Variants in CACNA2D3 observed in about 807,000 individuals in gnomAD.
The protein encoded by CACNA2D3 is calcium voltage-gated channel auxiliary subunit alpha2delta 3, also known as voltage-dependent calcium channel subunit alpha-2/delta-3.
A neutral mutation model predicts 160.6 loss-of-function variants in CACNA2D3; 60 were observed. The observed-to-expected ratio is 0.37, with a 90% CI of 0.30 to 0.46. The LOEUF (loss-of-function observed/expected upper bound fraction) is 0.46. CACNA2D3 is among the 20% of genes least tolerant of loss of function. The pLI is 1.00. For synonymous variants in CACNA2D3, 558 were observed against 492.9 expected, an observed-to-expected ratio of 1.13 and a Z score of -1.75; for missense variants, 1,205 against 1,365.0, an observed-to-expected ratio of 0.88 and a Z score of 1.85.
chr3:54,233,128 C>A (rs1701807319), intron 2 of CACNA2D3, among the ~76,000 whole-genome samples: 1 of 152,140 alleles, frequency 6.6e-6, no homozygotes, highest in African/African-American at 2.4e-5. Flanking sequence ...ACTGGGTGTC[C>A]TTTTTTCATT....
At chr3:54,697,448 A>G (rs1700685417) in intron 11 of CACNA2D3, among the ~76,000 whole-genome samples, 1 of 152,190 alleles carries the variant, frequency 6.6e-6, no homozygotes, top group Admixed American at 6.5e-5. Flanking sequence ...TGGCTGAACG[A>G]ACTTTAGAGC....
At chr3:54,866,914 C>T (rs1006203972) in intron 17 of CACNA2D3, among the ~76,000 whole-genome samples, 1 of 152,206 alleles carries the variant, frequency 6.6e-6, no homozygotes, top group Non-Finnish European at 1.5e-5. Flanking sequence ...AACTCCACCT[C>T]GAAGTATTTC....
chr3:54,891,142 A>G (rs1700056000), intron 24 of CACNA2D3, among the ~76,000 whole-genome samples: 2 of 150,256 alleles, frequency 1.3e-5, no homozygotes, highest in African/African-American at 5.0e-5. Flanking sequence ...TATTACTTTG[A>G]AAACTTTTGT....
chr3:54,743,792 CG>C (rs1162519244), intron 11 of CACNA2D3, among the ~76,000 whole-genome samples: 1 of 152,132 alleles, frequency 6.6e-6, no homozygotes, highest in Non-Finnish European at 1.5e-5. Flanking sequence ...GGAAGCAGGA[CG>C]GGGCTTCTGA....
chr3:55,010,620 T>C (rs185549137), intron 34 of CACNA2D3, among the ~76,000 whole-genome samples: 52 of 152,314 alleles, frequency 3.4e-4, no homozygotes, highest in African/African-American at 1.2e-3. Context: ...CAGGGACTAG[T>C]AGGCTATTAC....
intron 4 of CACNA2D3, among the ~76,000 whole-genome samples, chr3:54,435,666 A>C (rs1700049023): frequency 6.6e-6 from 1 of 152,156 alleles, no homozygotes; most frequent in African/African-American, 2.4e-5. Flanking sequence ...TAATATCCAA[A>C]ATGTCCAGGA....
intron 9 of CACNA2D3, among the ~76,000 whole-genome samples, chr3:54,623,690 G>A (rs1699037861): frequency 6.6e-6 from 1 of 152,192 alleles, no homozygotes; most frequent in African/African-American, 2.4e-5. Flanking sequence ...TGCACTTCCT[G>A]CAATGATGGC....
intron 2 of CACNA2D3, among the ~76,000 whole-genome samples, chr3:54,198,116 A>G (rs557507749): frequency 1.4e-4 from 22 of 152,372 alleles, no homozygotes; most frequent in African/African-American, 4.6e-4. Flanking sequence ...TAAAAGATCT[A>G]AAAGGCTGGT....
In CACNA2D3 at chr3:54,938,328, A is replaced by G. The variant is rs1701380262; in HGVS notation, c.2450-30122A>G. 2.0e-5 allele frequency among the ~76,000 whole-genome samples: 3 copies of G among 152,354 alleles called. No homozygotes were observed. In the South Asian group the frequency reaches 6.2e-4, roughly 32 times the overall value. ...TGGCAAATGAGTGTTTACGTCCTGC[A>G]ACTACCTGCTTTGTGGCCTCATGGC... is the stretch of plus-strand genomic sequence containing the variant. On this transcript the variant is annotated intron_variant, in intron 27 of 37. Coordinates refer to ENST00000474759, the MANE Select transcript of CACNA2D3 (RefSeq NM_018398.3).
At chr3:54,195,529 T>C (rs1701062569) in intron 2 of CACNA2D3, among the ~76,000 whole-genome samples, 1 of 152,206 alleles carries the variant, frequency 6.6e-6, no homozygotes, top group South Asian at 2.1e-4. Flanking sequence ...TACCTTCTCA[T>C]AGCCATGTGA....
intron 2 of CACNA2D3, among the ~76,000 whole-genome samples, chr3:54,219,209 C>A (rs112256601): frequency 3.3e-5 from 5 of 152,256 alleles, no homozygotes; most frequent in African/African-American, 1.2e-4. Flanking sequence ...TTATCTTTTC[C>A]CAATTTTGTG....
At chr3:54,644,002 A>G (rs1478939068) in intron 11 of CACNA2D3, among the ~76,000 whole-genome samples, 1 of 152,198 alleles carries the variant, frequency 6.6e-6, no homozygotes, top group Non-Finnish European at 1.5e-5. Context: ...TATGAACAGC[A>G]AGTGTTTTTT....
intron 35 of CACNA2D3, among the ~76,000 whole-genome samples, chr3:55,028,244 C>T (rs921650463): frequency 3.9e-5 from 6 of 152,088 alleles, no homozygotes; most frequent in Non-Finnish European, 5.9e-5. Flanking sequence ...ATAGACAGAT[C>T]TGTTATAACA....
intron 17 of CACNA2D3, among the ~76,000 whole-genome samples, chr3:54,869,203 A>G (rs1305743938): frequency 6.6e-6 from 1 of 152,218 alleles, no homozygotes; most frequent in African/African-American, 2.4e-5. Context: ...TTGAAATAAC[A>G]TGAGGCTTAG....
chr3:54,823,849 T>C (rs923711052), intron 14 of CACNA2D3, among the ~76,000 whole-genome samples: 2 of 152,230 alleles, frequency 1.3e-5, no homozygotes, highest in Non-Finnish European at 2.9e-5. Context: ...ATATGTATTT[T>C]GTTTTCTTAA....
rs554131282 is a variant in CACNA2D3 at position 55,013,370 on chromosome 3, C to G, written c.2875+3927C>G. ...AATTGTCTCATTCCAGCTGACAGCC[C>G]TCTGCTGGGCATCAATATGACTTTT... On this transcript the variant is annotated intron_variant, in intron 34 of 37. Transcript: ENST00000474759. 2.0e-5 allele frequency among the ~76,000 whole-genome samples: 3 copies of G among 152,276 alleles called. No homozygotes were observed. The South Asian group carries it at 6.2e-4, about 32-fold the overall frequency.
At chr3:54,177,296 G>A (rs1057065642) in intron 2 of CACNA2D3, among the ~76,000 whole-genome samples, 3 of 152,034 alleles carry the variant, frequency 2.0e-5, no homozygotes, top group African/African-American at 4.8e-5. Flanking sequence ...TTTAAATTCC[G>A]GGTTTTTTAT....
At chr3:54,812,696 G>T (rs545425716) in intron 13 of CACNA2D3, among the ~76,000 whole-genome samples, 1 of 152,310 alleles carries the variant, frequency 6.6e-6, no homozygotes, top group African/African-American at 2.4e-5. Flanking sequence ...GTGTAGGTTT[G>T]TGCTGCTATT....
chr3:54,544,512 T>G lies in CACNA2D3; in HGVS notation c.545-18288T>G, dbSNP rs140210894. Among the ~76,000 whole-genome samples the G allele has an allele frequency of 4.3e-3, 654 of 152,202 alleles. 8 individuals carry two copies. The highest frequency in any genetic ancestry group is 0.015 in the African/African-American group (633 of 41,540). ...TCCAACTCTTGGGCTCAAGGGATCC[T>G]CCCGCTTTAACCTCCCAAGTAGCTA... On this transcript the variant is annotated intron_variant, in intron 5 of 37. Transcript: ENST00000474759.
Sources: gnomAD v4.1 joint callset for allele counts (sites outside exome capture counted in the v4.1 genomes callset) on GRCh38, gnomAD v4.1.1 for gene constraint, MANE v1.5 for transcripts, NCBI Gene and HGNC (gene_info 2026-07-23, HGNC 2026-07-21) for gene names.